FNDC3A: variants seen among roughly 807,000 people sequenced by gnomAD.
FNDC3A encodes the protein fibronectin type III domain containing 3A.
Under a neutral mutation model 148.9 loss-of-function variants are expected in FNDC3A, and 32 were observed. The ratio of observed to expected loss-of-function variants is 0.21; its 90% CI spans 0.16 to 0.29. The LOEUF is 0.29. Among genes scored for constraint, FNDC3A ranks in the 10% least tolerant of loss-of-function variants. FNDC3A has a pLI of 1.00. For synonymous variants in FNDC3A, 472 were observed against 473.6 expected, an observed-to-expected ratio of 1.00 and a Z score of 0.04; for missense variants, 1,191 against 1,452.8, an observed-to-expected ratio of 0.82 and a Z score of 2.93.
chr13:48,985,141 A>T (rs895348474), intron 1 of FNDC3A, among the ~76,000 whole-genome samples: 2 of 152,226 alleles, frequency 1.3e-5, no homozygotes, highest in African/African-American at 4.8e-5. Context: ...AAAATATTCG[A>T]CATGTAATAG....
intron 23 of FNDC3A, chr13:49,201,230 G>A (rs184068463): frequency 5.2e-4 from 103 of 196,470 alleles, no homozygotes; most frequent in African/African-American, 2.0e-3. Flanking sequence ...GTTCAAGTGG[G>A]TAATGTATTG....
chr13:49,030,397 A>G (rs1365976706), intron 2 of FNDC3A, among the ~76,000 whole-genome samples: 1 of 152,102 alleles, frequency 6.6e-6, no homozygotes, highest in African/African-American at 2.4e-5. Flanking sequence ...CTGCAAAAAA[A>G]ACACAATTAA....
At chr13:49,110,438 T>C in intron 3 of FNDC3A, 2 of 1,397,438 alleles carry the variant, frequency 1.4e-6, no homozygotes. Context: ...CATTCTGCTT[T>C]TATTTTAAGA....
At chr13:49,016,584 T>A (rs1872802528) in intron 2 of FNDC3A, among the ~76,000 whole-genome samples, 1 of 152,194 alleles carries the variant, frequency 6.6e-6, no homozygotes, top group Non-Finnish European at 1.5e-5. Context: ...TGAAGGGTTT[T>A]GTGTGTCTCT....
intron 2 of FNDC3A, among the ~76,000 whole-genome samples, chr13:49,073,355 G>C (rs1385971410): frequency 4.0e-5 from 6 of 151,852 alleles, no homozygotes; most frequent in Non-Finnish European, 7.4e-5. Context: ...CAAAAGAGCT[G>C]GTAACAAACT....
At chr13:49,067,622 A>G (rs1158028104) in intron 2 of FNDC3A, among the ~76,000 whole-genome samples, 1 of 152,202 alleles carries the variant, frequency 6.6e-6, no homozygotes, top group East Asian at 1.9e-4. Flanking sequence ...TTTTTCACAA[A>G]AAAACCTTAT....
intron 2 of FNDC3A, chr13:49,044,821 T>C (rs943618370): frequency 2.5e-6 from 1 of 399,952 alleles, no homozygotes; most frequent in Non-Finnish European, 5.0e-6. Flanking sequence ...TTCAATACTT[T>C]TTGTGTGTTA....
intron 3 of FNDC3A, among the ~76,000 whole-genome samples, chr13:49,094,844 TATTA>T (rs1477530556): frequency 6.6e-6 from 1 of 152,094 alleles, no homozygotes; most frequent in African/African-American, 2.4e-5. Context: ...TAAAAAGTTT[TATTA>T]ATTAGGTGTT....
intron 3 of FNDC3A, among the ~76,000 whole-genome samples, chr13:49,091,766 CTA>C (rs1190562267): frequency 4.6e-5 from 7 of 152,182 alleles, no homozygotes; most frequent in African/African-American, 1.7e-4. Flanking sequence ...GGAGTGGAGA[CTA>C]TGGGCATTTG....
intron 1 of FNDC3A, among the ~76,000 whole-genome samples, chr13:48,992,419 A>G (rs1951939444): frequency 6.6e-6 from 1 of 152,232 alleles, no homozygotes; most frequent in Non-Finnish European, 1.5e-5. Flanking sequence ...TATCTAGAAT[A>G]TATAAAGCAC....
At chr13:49,123,112 A>G (rs1475953503) in intron 4 of FNDC3A, among the ~76,000 whole-genome samples, 1 of 152,212 alleles carries the variant, frequency 6.6e-6, no homozygotes, top group East Asian at 1.9e-4. Flanking sequence ...ACAAATCTAC[A>G]GTAACCAAAA....
At chr13:49,170,122 C>G (rs1884676789) in intron 10 of FNDC3A, among the ~76,000 whole-genome samples, 1 of 152,150 alleles carries the variant, frequency 6.6e-6, no homozygotes, top group Non-Finnish European at 1.5e-5. Flanking sequence ...ATTACCCACA[C>G]AGGTTTCCCA....
At chr13:49,023,086 T>C (rs1242466929) in intron 2 of FNDC3A, among the ~76,000 whole-genome samples, 1 of 152,034 alleles carries the variant, frequency 6.6e-6, no homozygotes, top group African/African-American at 2.4e-5. Flanking sequence ...TTTTAAGAGA[T>C]GATAAAATCA....
intron 3 of FNDC3A, among the ~76,000 whole-genome samples, chr13:49,111,874 G>A (rs1220874617): frequency 3.3e-5 from 5 of 151,888 alleles, no homozygotes; most frequent in African/African-American, 1.2e-4. Context: ...TTTACTACTG[G>A]TTTATTTTAG....
intron 7 of FNDC3A, among the ~76,000 whole-genome samples, chr13:49,143,795 T>G (rs1228174168): frequency 1.3e-5 from 2 of 152,062 alleles, no homozygotes; most frequent in East Asian, 3.8e-4. Flanking sequence ...CTTCCCTATT[T>G]AATATTTTCT....
At chr13:49,121,784 C>A (rs1482279540) in intron 4 of FNDC3A, among the ~76,000 whole-genome samples, 1 of 152,122 alleles carries the variant, frequency 6.6e-6, no homozygotes, top group Non-Finnish European at 1.5e-5. Context: ...TACACCCCCC[C>A]AAAGACTAAA....
intron 3 of FNDC3A, among the ~76,000 whole-genome samples, chr13:49,085,719 G>A (rs919487397): frequency 6.6e-6 from 1 of 152,146 alleles, no homozygotes; most frequent in Non-Finnish European, 1.5e-5. Flanking sequence ...TTAATGGTGT[G>A]TTATTAAAGG....
At chr13:49,128,162 G>A (rs1881815373) in intron 4 of FNDC3A, among the ~76,000 whole-genome samples, 1 of 152,194 alleles carries the variant, frequency 6.6e-6, no homozygotes, top group African/African-American at 2.4e-5. Flanking sequence ...TTACAGGCGT[G>A]AGCCACTGCA....
At chr13:49,114,023 CAAAA>C (rs199916451) in intron 3 of FNDC3A, among the ~76,000 whole-genome samples, 21 of 151,328 alleles carry the variant, frequency 1.4e-4, no homozygotes, top group African/African-American at 4.9e-4. Flanking sequence ...GTGTGAGAAA[CAAAA>C]AAAAATTTTT....
Sources: gnomAD v4.1 joint callset for allele counts (sites outside exome capture counted in the v4.1 genomes callset) on GRCh38, gnomAD v4.1.1 for gene constraint, MANE v1.5 for transcripts, NCBI Gene and HGNC (gene_info 2026-07-23, HGNC 2026-07-21) for gene names.